Variants in RPTOR observed in about 807,000 individuals in gnomAD.
The protein encoded by RPTOR is regulatory associated protein of MTOR complex 1.
In RPTOR, 21 loss-of-function variants were observed where a neutral mutation model predicts 169.9. The ratio of observed to expected loss-of-function variants is 0.12; its 90% CI spans 0.09 to 0.18. The LOEUF (loss-of-function observed/expected upper bound fraction) is 0.18. RPTOR is among the 10% of genes least tolerant of loss of function. The pLI, the probability that RPTOR is intolerant of heterozygous loss-of-function variation, is 1.00. For synonymous variants in RPTOR, 732 were observed against 753.2 expected (o/e 0.97, Z 0.46); for missense variants, 1,133 against 1,855.9 (o/e 0.61, Z 7.16).
At chr17:80,654,402 C>T (rs895791823) in intron 3 of RPTOR, among the ~76,000 whole-genome samples, 23 of 152,216 alleles carry the variant, frequency 1.5e-4, no homozygotes, top group Non-Finnish European at 2.8e-4. Flanking sequence ...TGGAAGACGG[C>T]GCAGTCCACT....
intron 2 of RPTOR, among the ~76,000 whole-genome samples, chr17:80,634,494 GTGTGTGTGCATAC>G (rs1292289891): frequency 2.8e-4 from 22 of 78,626 alleles, no homozygotes; most frequent in African/African-American, 1.3e-3. Context: ...TGTGCATACT[GTGTGTGTGCATAC>G]TGTGTGTGTG....
At chr17:80,899,114 T>A (rs2068443898) in intron 20 of RPTOR, among the ~76,000 whole-genome samples, 1 of 152,194 alleles carries the variant, frequency 6.6e-6, no homozygotes, top group African/African-American at 2.4e-5. Flanking sequence ...TTAATTTTCA[T>A]TGAGAAATAA....
intron 3 of RPTOR, among the ~76,000 whole-genome samples, chr17:80,693,714 G>A (rs914084501): frequency 3.9e-5 from 6 of 152,204 alleles, no homozygotes; most frequent in Non-Finnish European, 8.8e-5. Flanking sequence ...GGTGCTGTAG[G>A]GTCAGCCACC....
At chr17:80,800,297 G>T (rs1044248189) in intron 7 of RPTOR, among the ~76,000 whole-genome samples, 2 of 152,182 alleles carry the variant, frequency 1.3e-5, no homozygotes, top group African/African-American at 4.8e-5. Context: ...CCTCAGAACT[G>T]CTGCACGATA....
chr17:80,862,272 C>G (rs1221880174), intron 13 of RPTOR, among the ~76,000 whole-genome samples: 1 of 152,182 alleles, frequency 6.6e-6, no homozygotes, highest in Admixed American at 6.5e-5. Context: ...AATCATTCCA[C>G]TGAGGGGCAT....
intron 31 of RPTOR, 26 bp downstream of exon 31, chr17:80,961,506 C>T: frequency 1.3e-6 from 2 of 1,543,464 alleles, no homozygotes; most frequent in Non-Finnish European, 1.7e-6. Flanking sequence ...ATTTAGCAGC[C>T]GTTCTGCTGT....
intron 19 of RPTOR, among the ~76,000 whole-genome samples, chr17:80,893,382 G>A (rs909170672): frequency 6.9e-6 from 1 of 145,462 alleles, no homozygotes; most frequent in African/African-American, 2.6e-5. Context: ...GCACAAGGGT[G>A]TGTGCATGCC....
chr17:80,718,333 G>A (rs1232960790), intron 4 of RPTOR, among the ~76,000 whole-genome samples: 3 of 152,128 alleles, frequency 2.0e-5, no homozygotes, highest in South Asian at 4.1e-4. Flanking sequence ...GGCCATTTTT[G>A]TCTTGCACTA....
At chr17:80,892,366 G>A (rs2068336542) in intron 18 of RPTOR, among the ~76,000 whole-genome samples, 1 of 152,182 alleles carries the variant, frequency 6.6e-6, no homozygotes, top group Admixed American at 6.5e-5. Context: ...GGGGAGAAGG[G>A]TGAGCCAGAC....
At chr17:80,748,457 G>T (rs1479576168) in intron 5 of RPTOR, among the ~76,000 whole-genome samples, 3 of 63,192 alleles carry the variant, frequency 4.7e-5, no homozygotes, top group African/African-American at 2.6e-4. Flanking sequence ...TGGATGGGGG[G>T]GCTGCGGTGT....
chr17:80,754,983 TCTC>T lies in RPTOR; in HGVS notation c.830+801_830+803del, dbSNP rs1238650183. ...AAGATGGCCTAACACTCTAGACAAG[TCTC>T]CTGCCTTCTCACCCACAGCCCTGGG... On this transcript the variant is annotated intron_variant, in intron 6 of 33. Coordinates refer to ENST00000306801, the MANE Select transcript of RPTOR (RefSeq NM_020761.3). The surrounding 1 kb of genome is among the most constrained non-coding windows in gnomAD (Gnocchi z 4.2). 2.0e-5 allele frequency among the ~76,000 whole-genome samples: 3 copies of T among 152,028 alleles called. No homozygotes were observed. The highest frequency in any genetic ancestry group is 4.4e-5 in the Non-Finnish European group (3 of 67,994).
At chr17:80,655,339 G>A (rs561087731) in intron 3 of RPTOR, among the ~76,000 whole-genome samples, 229 of 152,280 alleles carry the variant, frequency 1.5e-3, no homozygotes, top group African/African-American at 5.3e-3. Flanking sequence ...GCCTGCCTTG[G>A]CCTCCCAAAG....
At chr17:80,737,097 T>C (rs1283645610) in intron 5 of RPTOR, among the ~76,000 whole-genome samples, 2 of 152,236 alleles carry the variant, frequency 1.3e-5, no homozygotes, top group African/African-American at 4.8e-5. Flanking sequence ...CTTTTCTAAG[T>C]TGTCTCTGTT....
chr17:80,900,317 C>G (rs953978943), intron 20 of RPTOR, among the ~76,000 whole-genome samples: 26 of 152,004 alleles, frequency 1.7e-4, no homozygotes, highest in African/African-American at 6.0e-4. Flanking sequence ...GGGCCGTGTG[C>G]TCACTGTGGC....
rs76896208 is a variant in RPTOR, at chr17:80,891,452, G to A, written c.1984-268G>A. 4.0e-3 allele frequency among the ~76,000 whole-genome samples: 607 copies of A among 152,280 alleles called. 9 individuals carry two copies. The highest frequency in any genetic ancestry group is 0.014 in the African/African-American group (584 of 41,554). On this transcript the variant is annotated intron_variant, in intron 17 of 33. Transcript: ENST00000306801. ...CTCACCGTGTCCTTACGAGACCCCC[G>A]ATGCGTCGTGCGCCTCTAGCAGTGG...
chr17:80,893,472 TG>T, intron 19 of RPTOR, among the ~76,000 whole-genome samples: 1 of 82,942 alleles, frequency 1.2e-5, no homozygotes, highest in Non-Finnish European at 2.5e-5. Context: ...AGGTTGTGTC[TG>T]TACGCGCCAG....
At chr17:80,625,855 G>A (rs901065) in intron 2 of RPTOR, 62 bp downstream of exon 2, 6 of 1,198,526 alleles carry the variant, frequency 5.0e-6, no homozygotes, top group Non-Finnish European at 6.2e-6. Flanking sequence ...GCCTGGGCGG[G>A]GCTCGCCAAG....
chr17:80,946,881 G>A (rs7209380), intron 26 of RPTOR, among the ~76,000 whole-genome samples: 26,111 of 152,154 alleles, frequency 0.17, 2,721 homozygotes, highest in African/African-American at 0.29. Context: ...TTTAATTTTC[G>A]GAGGAACCAC....
intron 10 of RPTOR, 137 bp downstream of exon 10, chr17:80,838,134 T>C (rs1196275396): frequency 1.5e-6 from 1 of 655,370 alleles, no homozygotes; most frequent in Non-Finnish European, 2.6e-6. Context: ...CTGGAAAAAA[T>C]GTAGTTGCCA....
Sources: allele counts gnomAD v4.1 joint callset (sites outside exome capture counted in the v4.1 genomes callset), GRCh38; gene constraint gnomAD v4.1.1; non-coding constraint Gnocchi (gnomAD v3.1); transcripts MANE v1.5; gene names NCBI Gene and HGNC (gene_info 2026-07-23, HGNC 2026-07-21).